SGCZ: variants seen among roughly 807,000 people sequenced by gnomAD.
SGCZ encodes zeta-sarcoglycan.
In SGCZ, 40 loss-of-function variants were observed where a neutral mutation model predicts 41.3. That is an observed-to-expected ratio of 0.97 (90% confidence interval 0.75 to 1.26). The LOEUF is 1.26. Ranked by LOEUF, SGCZ falls within the 50% of genes most tolerant of loss-of-function variation. The pLI is 0.00. For missense variants in SGCZ, 552 were observed against 369.8 expected (o/e 1.49, Z -4.04); for synonymous variants, 206 against 137.5 (o/e 1.50, Z -3.49).
chr8:14,294,689 T>C (rs943925043), intron 3 of SGCZ, among the ~76,000 whole-genome samples: 2 of 152,058 alleles, frequency 1.3e-5, no homozygotes, highest in African/African-American at 4.8e-5. Context: ...AACTTGTATG[T>C]AGAATAGGTA....
chr8:14,910,770 AT>A (rs1799259842), intron 1 of SGCZ, among the ~76,000 whole-genome samples: 2 of 152,072 alleles, frequency 1.3e-5, no homozygotes, highest in African/African-American at 4.8e-5. Context: ...CAATGATGTC[AT>A]TTTATGCCTC....
At position 14,402,217 on chromosome 8, in the gene SGCZ, A is replaced by C. The variant is rs576178497; in HGVS notation, c.235-78013T>G. Among the ~76,000 whole-genome samples, 14 of 151,448 alleles carry C rather than the reference A, an allele frequency of 9.2e-5. No individual in the cohort carries two copies. In the East Asian group the frequency reaches 1.9e-3, roughly 21 times the overall value. On this transcript the variant is annotated intron_variant, in intron 2 of 7. Transcript: ENST00000382080. Reference sequence around the variant, plus strand: ...TTTGTCAGATGAGTAGGTTGCGAAAATTTTCTCCCATTTTGTAGGTTGCCT... The same window carrying C: ...TTTGTCAGATGAGTAGGTTGCGAAACTTTTCTCCCATTTTGTAGGTTGCCT...
At chr8:15,147,772 C>T (rs963534534) in intron 1 of SGCZ, among the ~76,000 whole-genome samples, 9 of 152,168 alleles carry the variant, frequency 5.9e-5, no homozygotes, top group African/African-American at 2.2e-4. Flanking sequence ...ACAGTTCACA[C>T]TCTTCGAAGG....
intron 1 of SGCZ, among the ~76,000 whole-genome samples, chr8:14,631,534 T>C (rs1407895944): frequency 1.3e-5 from 2 of 152,088 alleles, no homozygotes. Flanking sequence ...ACTACACCCA[T>C]GAATTTGACC....
At chr8:15,181,608 T>C (rs1800182426) in intron 1 of SGCZ, among the ~76,000 whole-genome samples, 1 of 152,208 alleles carries the variant, frequency 6.6e-6, no homozygotes, top group Non-Finnish European at 1.5e-5. Flanking sequence ...GAAATATCAG[T>C]TCTTCAGATA....
At chr8:15,144,581 C>T (rs1435722153) in intron 1 of SGCZ, among the ~76,000 whole-genome samples, 1 of 152,046 alleles carries the variant, frequency 6.6e-6, no homozygotes, top group African/African-American at 2.4e-5. Flanking sequence ...CCTGCCTCAG[C>T]CTCCTGAGTA....
intron 2 of SGCZ, among the ~76,000 whole-genome samples, chr8:14,444,135 T>C (rs1189963841): frequency 2.6e-5 from 4 of 152,236 alleles, no homozygotes; most frequent in East Asian, 1.9e-4. Context: ...CTAGTTAGAA[T>C]GGCGATCATT....
chr8:15,233,404 G>A (rs1802021112), intron 1 of SGCZ, among the ~76,000 whole-genome samples: 2 of 150,006 alleles, frequency 1.3e-5, no homozygotes, highest in Admixed American at 6.7e-5. Flanking sequence ...GATTTAAATT[G>A]TAGATGAATG....
chr8:14,696,336 A>G (rs977954270), intron 1 of SGCZ, among the ~76,000 whole-genome samples: 6 of 152,084 alleles, frequency 3.9e-5, no homozygotes, highest in African/African-American at 1.4e-4. Context: ...ACTGAACGCA[A>G]AGATTCTCCC....
At chr8:14,239,239 T>TA (rs996204243) in intron 3 of SGCZ, among the ~76,000 whole-genome samples, 1 of 90,170 alleles carries the variant, frequency 1.1e-5, no homozygotes, top group Admixed American at 1.5e-4. Context: ...AGATGATGGT[T>TA]CATACATGAA....
intron 1 of SGCZ, among the ~76,000 whole-genome samples, chr8:15,082,342 A>ATTAG (rs1322698034): frequency 5.9e-5 from 9 of 152,096 alleles, no homozygotes; most frequent in Admixed American, 5.9e-4. Flanking sequence ...CATGGTCTAT[A>ATTAG]TTAGGTACTC....
At chr8:14,340,944 T>TC (rs746847344) in intron 2 of SGCZ, among the ~76,000 whole-genome samples, 20 of 152,070 alleles carry the variant, frequency 1.3e-4, no homozygotes, top group Non-Finnish European at 4.4e-5. Context: ...AACTCCTGAA[T>TC]CCCCTCTCCC....
chr8:14,110,015 T>A (rs1802325798), intron 5 of SGCZ, among the ~76,000 whole-genome samples: 1 of 152,206 alleles, frequency 6.6e-6, no homozygotes, highest in Admixed American at 6.5e-5. Flanking sequence ...TTAAAACTTT[T>A]TTTCATGAAT....
chr8:14,124,989 TA>T (rs1005658558), intron 5 of SGCZ, among the ~76,000 whole-genome samples: 1 of 152,116 alleles, frequency 6.6e-6, no homozygotes, highest in African/African-American at 2.4e-5. Flanking sequence ...AAAATTCCTA[TA>T]CACGAACAAA....
At chr8:15,020,334 T>A (rs989460127) in intron 1 of SGCZ, among the ~76,000 whole-genome samples, 26 of 152,306 alleles carry the variant, frequency 1.7e-4, no homozygotes, top group African/African-American at 6.0e-4. Context: ...ATTGCCATAG[T>A]AATTGAAGAC....
intron 6 of SGCZ, 34 bp downstream of exon 6, chr8:14,108,129 A>G: frequency 6.3e-7 from 1 of 1,596,782 alleles, no homozygotes; most frequent in Non-Finnish European, 8.6e-7. Flanking sequence ...ACAATGATGG[A>G]TTTTATGCCA....
intron 1 of SGCZ, among the ~76,000 whole-genome samples, chr8:14,712,132 T>A (rs541378816): frequency 5.3e-4 from 80 of 152,236 alleles, no homozygotes; most frequent in African/African-American, 1.8e-3. Context: ...GCTTAGCCAA[T>A]CAGAAACTTC....
At chr8:14,575,645 G>T (rs150633207) in intron 1 of SGCZ, among the ~76,000 whole-genome samples, 1 of 152,038 alleles carries the variant, frequency 6.6e-6, no homozygotes, top group Non-Finnish European at 1.5e-5. Context: ...AGTGGTGTAC[G>T]CCTGTAATCC....
intron 2 of SGCZ, among the ~76,000 whole-genome samples, chr8:14,447,351 T>G (rs1183056551): frequency 6.6e-6 from 1 of 152,174 alleles, no homozygotes; most frequent in Non-Finnish European, 1.5e-5. Context: ...ATACAAATCT[T>G]GAGCCATTTT....
Sources: gnomAD v4.1 joint callset for allele counts (sites outside exome capture counted in the v4.1 genomes callset) on GRCh38, gnomAD v4.1.1 for gene constraint, MANE v1.5 for transcripts, NCBI Gene and HGNC (gene_info 2026-07-23, HGNC 2026-07-21) for gene names.